Variants in LYZL2 observed in about 807,000 individuals in gnomAD.
LYZL2 encodes the protein lysozyme like 2.
Under a neutral mutation model 17.1 loss-of-function variants are expected in LYZL2, and 13 were observed. The observed-to-expected ratio is 0.76, with a 90% CI of 0.49 to 1.21. LYZL2 has a LOEUF of 1.21. LYZL2 is among the 50% of genes most tolerant of loss of function. The pLI is 0.00. For synonymous variants in LYZL2, 63 were observed against 74.4 expected, an observed-to-expected ratio of 0.85 and a Z score of 0.79; for missense variants, 166 against 189.2, an observed-to-expected ratio of 0.88 and a Z score of 0.72.
At chr10:30,612,185 G>A (rs1188079096) in intron 4 of LYZL2, among the ~76,000 whole-genome samples, 161 bp from the exon 5 acceptor site, 2 of 152,336 alleles carry the variant, frequency 1.3e-5, no homozygotes, top group East Asian at 3.9e-4. Flanking sequence ...GCCTAGTTCA[G>A]ACTTTGATCT....
intron 3 of LYZL2, among the ~76,000 whole-genome samples, chr10:30,621,093 CA>C (rs1838611659): frequency 6.6e-6 from 1 of 151,936 alleles, no homozygotes; most frequent in South Asian, 2.1e-4. Context: ...CTCAGGGATA[CA>C]AAATGTTAAT....
intron 1 of LYZL2, among the ~76,000 whole-genome samples, chr10:30,628,077 G>A (rs777941755): frequency 1.5e-4 from 23 of 151,988 alleles, no homozygotes; most frequent in Non-Finnish European, 2.2e-4. Context: ...GGAGAATGGC[G>A]TGAACCCAGG....
intron 4 of LYZL2, among the ~76,000 whole-genome samples, chr10:30,612,225 C>A (rs1387634885): frequency 6.6e-6 from 1 of 152,236 alleles, no homozygotes; most frequent in Non-Finnish European, 1.5e-5. Flanking sequence ...CTGTTAGCCT[C>A]AGCAACAAGC....
At chr10:30,606,977 G>A (rs1237320819), downstream of LYZL2, among the ~76,000 whole-genome samples, 4 of 150,408 alleles carry the variant, frequency 2.7e-5, no homozygotes, top group African/African-American at 7.4e-5. Flanking sequence ...GCAGTGGTGC[G>A]ATCTTGGCTT....
rs1168951490 is a variant in LYZL2 at position 30,612,221 on chromosome 10, G to A, written c.378-197C>T. ...CCTGGTTTTCTCCTAGCCACTGTTAGCCTCAGCAACAAGCAATCAACTTTT... is the reference window on the plus strand; with the variant it reads ...CCTGGTTTTCTCCTAGCCACTGTTAACCTCAGCAACAAGCAATCAACTTTT... On this transcript the variant is annotated intron_variant, in intron 4 of 4. Coordinates refer to ENST00000647634, the MANE Select transcript of LYZL2 (RefSeq NM_183058.3). Among the ~76,000 whole-genome samples the A allele has an allele frequency of 2.0e-5, 3 of 152,212 alleles. No individual in the cohort carries two copies. In the East Asian group the frequency reaches 5.8e-4, roughly 29 times the overall value.
At chr10:30,607,862 A>AAT (rs1838393945), downstream of LYZL2, among the ~76,000 whole-genome samples, 1 of 152,196 alleles carries the variant, frequency 6.6e-6, no homozygotes, top group Non-Finnish European at 1.5e-5. Flanking sequence ...GTCCTCAAGC[A>AAT]GTCGGACCCT....
chr10:30,626,662 G>A (rs543823975), intron 2 of LYZL2, 115 bp downstream of exon 2: 18 of 1,510,906 alleles, frequency 1.2e-5, no homozygotes, highest in Middle Eastern at 2.1e-4. Flanking sequence ...CCCTGGGTGT[G>A]GTGAGGGCAG....
intron 1 of LYZL2, 120 bp from the exon 2 acceptor site, chr10:30,627,060 C>A (rs1838724817): frequency 7.0e-7 from 1 of 1,430,972 alleles, no homozygotes; most frequent in Admixed American, 2.4e-5. Flanking sequence ...TTCAGTGCCA[C>A]CATCAGGGAA....
At chr10:30,607,573 G>A (rs140608024), downstream of LYZL2, among the ~76,000 whole-genome samples, 387 of 152,214 alleles carry the variant, frequency 2.5e-3, 3 homozygotes, top group African/African-American at 9.0e-3. Flanking sequence ...CCCCTGTTCC[G>A]TTTCCCTGAA....
intron 3 of LYZL2, among the ~76,000 whole-genome samples, chr10:30,614,280 G>C (rs535480868): frequency 4.7e-4 from 71 of 152,316 alleles, no homozygotes; most frequent in African/African-American, 1.6e-3. Flanking sequence ...AAGCAGGATG[G>C]GCAGACGGAG....
intron 3 of LYZL2, among the ~76,000 whole-genome samples, chr10:30,617,005 C>T (rs1798571): frequency 0.6 from 91,305 of 152,006 alleles, 28,059 homozygotes; most frequent in Non-Finnish European, 0.63. Context: ...CCCTTTATTT[C>T]GGGTGCATAA....
intron 3 of LYZL2, among the ~76,000 whole-genome samples, chr10:30,624,248 G>A (rs1450729096): frequency 6.6e-6 from 1 of 152,170 alleles, no homozygotes; most frequent in Non-Finnish European, 1.5e-5. Context: ...CTGACTTCTG[G>A]AGGGGTTTAA....
Position 30,626,192 on chromosome 10 carries a change from C to T in LYZL2, c.211G>A (p.Asp71Asn), listed in dbSNP as rs186672041. 48 of 1,614,226 alleles carry T rather than the reference C, an allele frequency of 3.0e-5. No individual in the cohort carries two copies. The highest frequency in any genetic ancestry group is 2.4e-4 in the South Asian group (22 of 91,084). ...AQTVLDDGSIDYGIFQINSFA... is the reference protein window; with the variant it reads ...AQTVLDDGSINYGIFQINSFA... ...CTGTTGATCTGGAAGATGCCGTAGT[C>T]GATGCTGCCGTCATCCAGGACCGTC... The change falls in exon 3 of 5, where the codon GAC (aspartate) becomes AAC (asparagine). Residue 71 changes from aspartate to asparagine, a missense_variant. By Grantham distance (23) the Asp-to-Asn change is conservative. This residue lies in a region of LYZL2 where 134 missense variants were observed against 129.4 expected (regional missense o/e 1.04). Coordinates refer to ENST00000647634, the MANE Select transcript of LYZL2 (RefSeq NM_183058.3).
At chr10:30,624,782 C>T (rs556804797) in intron 3 of LYZL2, among the ~76,000 whole-genome samples, 3 of 152,316 alleles carry the variant, frequency 2.0e-5, no homozygotes, top group Admixed American at 6.5e-5. Context: ...TAAGGTGACT[C>T]TCTGACTTCA....
chr10:30,620,909 C>T (rs923362057), intron 3 of LYZL2, among the ~76,000 whole-genome samples: 10 of 150,698 alleles, frequency 6.6e-5, no homozygotes, highest in Admixed American at 1.3e-4. Flanking sequence ...ATAATGGAAA[C>T]TATTGAAAAT....
rs776729402 is a variant in LYZL2, at chr10:30,626,062, A to G, written c.298+43T>C. ...TGGTGATCCCATTGTCGGCTTTCTC[A>G]CCTGGTCCTGAGGATGGCATCACTG... On this transcript the variant is annotated intron_variant, in intron 3 of 4. Coordinates refer to ENST00000647634, the MANE Select transcript of LYZL2 (RefSeq NM_183058.3). 2.6e-5 allele frequency: 41 copies of G among 1,588,402 alleles called. No individual in the cohort carries two copies. In the South Asian group the frequency reaches 3.1e-4, roughly 12 times the overall value.
chr10:30,606,767 C>T, the LYZL2 span, among the ~76,000 whole-genome samples: 1 of 152,104 alleles, frequency 6.6e-6, no homozygotes. Flanking sequence ...CAACTTTGCT[C>T]TATCACCAGG....
chr10:30,623,221 G>T (rs528079219), intron 3 of LYZL2, among the ~76,000 whole-genome samples: 1 of 152,158 alleles, frequency 6.6e-6, no homozygotes, highest in Non-Finnish European at 1.5e-5. Context: ...ATTTCTCACC[G>T]TATAGTAGAA....
downstream of LYZL2, among the ~76,000 whole-genome samples, chr10:30,611,561 AGG>A (rs1491522727): frequency 0.017 from 1,616 of 92,380 alleles, 25 homozygotes; most frequent in East Asian, 0.052. Flanking sequence ...GAAGGAAGGA[AGG>A]AAGGAAGGAA....
Sources: allele counts gnomAD v4.1 joint callset (sites outside exome capture counted in the v4.1 genomes callset), GRCh38; gene constraint gnomAD v4.1.1; regional missense constraint gnomAD v4.1.1; transcripts MANE v1.5; gene names NCBI Gene and HGNC (gene_info 2026-07-23, HGNC 2026-07-21).